The following FOCAD variants were observed in gnomAD, a reference collection of about 807,000 sequenced individuals.
FOCAD encodes the protein KIAA1797.
A neutral mutation model predicts 225.6 loss-of-function variants in FOCAD; 198 were observed. The observed-to-expected ratio is 0.88, with a 90% CI of 0.78 to 0.99. The LOEUF (loss-of-function observed/expected upper bound fraction) is 0.99, where lower values mean the gene tolerates loss of function less well. Ranked by LOEUF, FOCAD falls within the 50% of genes least tolerant of loss-of-function variation. FOCAD has a pLI of 0.00. For missense variants in FOCAD, 2,713 were observed against 2,123.6 expected (o/e 1.28, Z -5.46); for synonymous variants, 897 against 755.0 (o/e 1.19, Z -3.08).
chr9:20,679,309 C>T (rs1186025113), upstream of FOCAD, among the ~76,000 whole-genome samples: 5 of 152,034 alleles, frequency 3.3e-5, no homozygotes, highest in African/African-American at 1.2e-4. Context: ...TAATAGATTG[C>T]TTTCTGTGAT....
At chr9:20,811,324 T>C (rs964011100) in intron 11 of FOCAD, among the ~76,000 whole-genome samples, 1 of 152,090 alleles carries the variant, frequency 6.6e-6, no homozygotes, top group African/African-American at 2.4e-5. Context: ...GTTTGAAATG[T>C]GGTGATAATC....
intron 21 of FOCAD, among the ~76,000 whole-genome samples, chr9:20,889,265 A>G (rs144016178): frequency 3.9e-5 from 6 of 152,326 alleles, no homozygotes; most frequent in Admixed American, 1.3e-4. Context: ...TTCACTTAGT[A>G]TAATGTTTTC....
intron 24 of FOCAD, among the ~76,000 whole-genome samples, chr9:20,922,914 A>G (rs6475487): frequency 0.98 from 148,927 of 152,298 alleles, 72,921 homozygotes; most frequent in East Asian, 1. Flanking sequence ...TTCAAGTGGT[A>G]AGTATATTAA....
Position 20,986,280 on chromosome 9 carries a change from T to G in FOCAD, c.4729-8T>G. 1 of 1,438,092 alleles carries G rather than the reference T, an allele frequency of 7.0e-7. No homozygotes were observed. The allele number at this position is 1,438,092 out of a possible 1,614,324, so 89.1% of individuals were successfully genotyped here. On this transcript the variant is annotated splice_region_variant and splice_polypyrimidine_tract_variant and intron_variant, in intron 39 of 43. Transcript: ENST00000338382. The stretch of plus-strand genomic sequence containing the variant: ...GTAACTAAACAATTTTTTTTTTTTT[T>G]TTTGCAGAGCAACATAGAAAAAGCT...
rs372689765 is a variant in FOCAD at position 20,781,930 on chromosome 9, G to T, written c.1197+1G>T. On this transcript the variant is annotated splice_donor_variant, in intron 10 of 43. Coordinates refer to ENST00000338382, the MANE Select transcript of FOCAD (RefSeq NM_001375567.1). LOFTEE classifies it high-confidence loss of function. The stretch of plus-strand genomic sequence containing the variant: ...ATGTTACAGAGATGACCACCAAAAG[G>T]TAATGAATCTATCCTTGTTTCTCTT... 1 of 1,612,924 alleles carries T rather than the reference G, an allele frequency of 6.2e-7. No homozygotes were observed. Among genetic ancestry groups the T allele is most frequent in the African/African-American group, 1.3e-5 (1 of 74,892 alleles).
chr9:20,877,212 GTCCT>G (rs1318949081), intron 19 of FOCAD, among the ~76,000 whole-genome samples: 1 of 152,084 alleles, frequency 6.6e-6, no homozygotes, highest in Non-Finnish European at 1.5e-5. Context: ...CCCGTCAAGT[GTCCT>G]TGAGGGGTTT....
intron 24 of FOCAD, among the ~76,000 whole-genome samples, chr9:20,917,669 T>G (rs533019651): frequency 6.6e-6 from 1 of 152,216 alleles, no homozygotes; most frequent in South Asian, 2.1e-4. Flanking sequence ...CCAACACAGA[T>G]ATACCTTTGA....
chr9:20,917,081 A>G, intron 24 of FOCAD, 144 bp downstream of exon 24: 3 of 628,034 alleles, frequency 4.8e-6, no homozygotes, highest in Non-Finnish European at 8.0e-6. Context: ...ATTAATCGTT[A>G]CCCTTCTTAT....
chr9:20,921,239 T>A (rs193110449), intron 24 of FOCAD, among the ~76,000 whole-genome samples: 1 of 152,198 alleles, frequency 6.6e-6, no homozygotes, highest in African/African-American at 2.4e-5. Flanking sequence ...TGTAATACTT[T>A]GTCCCTAAGA....
intron 41 of FOCAD, among the ~76,000 whole-genome samples, chr9:20,988,684 A>G (rs937813153): frequency 6.6e-6 from 1 of 151,960 alleles, no homozygotes; most frequent in African/African-American, 2.4e-5. Context: ...GCTCTTGGAG[A>G]CACCCAAGGC....
intron 20 of FOCAD, 54 bp downstream of exon 20, chr9:20,882,110 T>C: frequency 6.6e-7 from 1 of 1,514,506 alleles, no homozygotes; most frequent in Non-Finnish European, 9.0e-7. Context: ...ATGATTTAAC[T>C]TCCACTTTCA....
intron 1 of FOCAD, among the ~76,000 whole-genome samples, chr9:20,701,829 A>G (rs748352127): frequency 4.6e-5 from 7 of 152,356 alleles, no homozygotes; most frequent in African/African-American, 1.7e-4. Context: ...TTAGGATTGC[A>G]GTATATACAA....
At chr9:20,976,628 A>T in intron 36 of FOCAD, 80 bp downstream of exon 36, 1 of 1,433,246 alleles carries the variant, frequency 7.0e-7, no homozygotes, top group Non-Finnish European at 9.8e-7. Flanking sequence ...CTGTGTCACA[A>T]TGTGTAGTGA....
intron 21 of FOCAD, chr9:20,885,473 A>G: frequency 4.2e-6 from 1 of 235,584 alleles, no homozygotes; most frequent in East Asian, 8.4e-5. Context: ...AATTTGCTTT[A>G]CTTCATCAAT....
chr9:20,916,738 C>G (rs1442384171), intron 23 of FOCAD, among the ~76,000 whole-genome samples, 155 bp from the exon 24 acceptor site: 2 of 152,202 alleles, frequency 1.3e-5, no homozygotes, highest in Non-Finnish European at 2.9e-5. Flanking sequence ...AAGCAGAGCC[C>G]TTATTACAGT....
intron 36 of FOCAD, among the ~76,000 whole-genome samples, chr9:20,976,899 T>C (rs535899787): frequency 6.6e-6 from 1 of 152,320 alleles, no homozygotes; most frequent in Admixed American, 6.5e-5. Flanking sequence ...GATGCTGTAT[T>C]AATTTTCTAT....
At position 20,790,855 on chromosome 9, in the gene FOCAD, G is replaced by A. The variant is rs1587175476; in HGVS notation, c.1455+1247G>A. On this transcript the variant is annotated intron_variant, in intron 11 of 43. Coordinates refer to ENST00000338382, the MANE Select transcript of FOCAD (RefSeq NM_001375567.1). ...CAAATTGTCATACTCATTCCTTTTT[G>A]TCATGTAAACAACTGCTGATATCTC... Among the ~76,000 whole-genome samples, 4 of 152,236 alleles carry A rather than the reference G, an allele frequency of 2.6e-5. No individual in the cohort carries two copies. The South Asian group carries it at 6.2e-4, about 24-fold the overall frequency.
At chr9:20,910,738 C>G (rs1833371998) in intron 22 of FOCAD, among the ~76,000 whole-genome samples, 1 of 152,066 alleles carries the variant, frequency 6.6e-6, no homozygotes, top group Admixed American at 6.6e-5. Flanking sequence ...GCTGCTGGAT[C>G]TCTCTATTAC....
chr9:20,768,321 T>C (rs1161667237), intron 7 of FOCAD, among the ~76,000 whole-genome samples: 1 of 151,934 alleles, frequency 6.6e-6, no homozygotes, highest in African/African-American at 2.4e-5. Flanking sequence ...TCTTTTTTGG[T>C]TCCATATGAA....
Sources: allele counts gnomAD v4.1 joint callset (sites outside exome capture counted in the v4.1 genomes callset), GRCh38; gene constraint gnomAD v4.1.1; transcripts MANE v1.5; gene names NCBI Gene and HGNC (gene_info 2026-07-23, HGNC 2026-07-21).